EYS: variants seen among roughly 807,000 people sequenced by gnomAD.
EYS encodes protein eyes shut homolog.
EYS carries 250 observed loss-of-function variants against 282.1 expected under a neutral mutation model. The observed-to-expected ratio is 0.89, with a 90% CI of 0.80 to 0.98. The LOEUF is 0.98. EYS is among the 50% of genes least tolerant of loss of function. EYS has a pLI of 0.00. For synonymous variants in EYS, 1,355 were observed against 1,282.9 expected (o/e 1.06, Z -1.20); for missense variants, 4,016 against 3,709.0 (o/e 1.08, Z -2.15).
chr6:65,076,603 T>C (rs1447021677), intron 12 of EYS, among the ~76,000 whole-genome samples: 2 of 151,978 alleles, frequency 1.3e-5, no homozygotes, highest in Non-Finnish European at 1.5e-5. Flanking sequence ...TAGTTTTGTC[T>C]AAATCCAAAA....
chr6:64,973,660 G>T (rs999700865), intron 14 of EYS, among the ~76,000 whole-genome samples: 3 of 151,960 alleles, frequency 2.0e-5, no homozygotes, highest in African/African-American at 7.2e-5. Flanking sequence ...TAAAGTCAGT[G>T]ATTCATGGAG....
At chr6:63,909,594 G>T (rs890364062) in intron 35 of EYS, among the ~76,000 whole-genome samples, 3 of 152,204 alleles carry the variant, frequency 2.0e-5, no homozygotes, top group Non-Finnish European at 4.4e-5. Context: ...GTTGATTGTG[G>T]TTGGGATATC....
At chr6:64,083,255 A>G (rs1285199456) in intron 31 of EYS, among the ~76,000 whole-genome samples, 1 of 152,154 alleles carries the variant, frequency 6.6e-6, no homozygotes, top group Non-Finnish European at 1.5e-5. Context: ...TTTCTCTGCC[A>G]CTGGACGGAA....
chr6:64,953,637 A>G (rs1769589718), intron 14 of EYS, among the ~76,000 whole-genome samples: 1 of 151,814 alleles, frequency 6.6e-6, no homozygotes, highest in Non-Finnish European at 1.5e-5. Context: ...AAAATGATTT[A>G]TCTTGGTGCT....
chr6:64,301,673 C>T (rs1769241338), intron 30 of EYS, among the ~76,000 whole-genome samples: 1 of 152,138 alleles, frequency 6.6e-6, no homozygotes, highest in Non-Finnish European at 1.5e-5. Context: ...TGCAAATAGC[C>T]ATCTCTGATT....
At chr6:64,274,481 G>GTGTTTTT in intron 30 of EYS, among the ~76,000 whole-genome samples, 1 of 92,228 alleles carries the variant, frequency 1.1e-5, no homozygotes, top group Non-Finnish European at 1.9e-5. Context: ...ACGCCTGGCC[G>GTGTTTTT]TTTTTTTTTT....
At chr6:63,906,542 A>G (rs547141431) in intron 35 of EYS, among the ~76,000 whole-genome samples, 1 of 152,338 alleles carries the variant, frequency 6.6e-6, no homozygotes, top group South Asian at 2.1e-4. Context: ...GATTCAAATG[A>G]TGGCCTAGTT....
intron 28 of EYS, among the ~76,000 whole-genome samples, chr6:64,395,882 G>A (rs1773354558): frequency 6.6e-6 from 1 of 151,884 alleles, no homozygotes; most frequent in African/African-American, 2.4e-5. Context: ...TCTGTTCCAT[G>A]AATATGTGAC....
intron 26 of EYS, among the ~76,000 whole-genome samples, chr6:64,584,182 T>C (rs1298137231): frequency 1.3e-5 from 2 of 151,942 alleles, no homozygotes; most frequent in African/African-American, 4.8e-5. Flanking sequence ...TATATAGTAA[T>C]ATGTAAAGCA....
At chr6:64,668,866 C>A (rs573385979) in intron 22 of EYS, among the ~76,000 whole-genome samples, 1 of 151,950 alleles carries the variant, frequency 6.6e-6, no homozygotes, top group Non-Finnish European at 1.5e-5. Flanking sequence ...CACACCTGGC[C>A]GCTAGTACCA....
In EYS at chr6:65,701,075, T is replaced by C. The variant is rs150997437; in HGVS notation, c.-448+6060A>G. 4.7e-4 allele frequency among the ~76,000 whole-genome samples: 71 copies of C among 152,344 alleles called. 2 individuals are homozygous for C. The East Asian group carries it at 0.012, about 26-fold the overall frequency. On this transcript the variant is annotated intron_variant, in intron 1 of 42. Transcript: ENST00000503581. The stretch of plus-strand genomic sequence containing the variant: ...CCTAATGCCATATACACCATCCTTG[T>C]ATAGATCTTTGCAATAATTTCTCAG...
chr6:63,847,626 C>T (rs1056703333), intron 36 of EYS, among the ~76,000 whole-genome samples: 3 of 152,166 alleles, frequency 2.0e-5, no homozygotes, highest in Admixed American at 6.5e-5. Flanking sequence ...TCTAAAAATA[C>T]TCTGTTGCCA....
intron 12 of EYS, among the ~76,000 whole-genome samples, chr6:65,069,476 C>A (rs562697738): frequency 6.6e-6 from 1 of 152,074 alleles, no homozygotes; most frequent in South Asian, 2.1e-4. Flanking sequence ...AAACTGCGAT[C>A]TTTTGGTCCC....
chr6:65,496,511 G>GA (rs1766263370), intron 2 of EYS, among the ~76,000 whole-genome samples: 1 of 151,436 alleles, frequency 6.6e-6, no homozygotes, highest in East Asian at 1.9e-4. Context: ...TGATGTTAGT[G>GA]AAAAAAACGT....
rs532560319 is a variant in EYS, at chr6:64,902,372, A to G, written c.2738+32T>C. On this transcript the variant is annotated intron_variant, in intron 17 of 42. Coordinates refer to ENST00000503581, the MANE Select transcript of EYS (RefSeq NM_001142800.2). ...CCTGTATACATCTAGACACATAAAC[A>G]TGTATCTAGATACTTTTTAAGTTTT... 1.1e-5 allele frequency: 16 copies of G among 1,418,600 alleles called. No homozygotes were observed. In the African/African-American group the frequency reaches 1.4e-4, roughly 13 times the overall value. The allele number at this position is 1,418,600 out of a possible 1,614,324, so 87.9% of individuals were successfully genotyped here.
chr6:65,628,219 G>A (rs956599652), intron 2 of EYS, among the ~76,000 whole-genome samples: 21 of 152,124 alleles, frequency 1.4e-4, no homozygotes, highest in Admixed American at 7.9e-4. Context: ...GTTTGTGAGT[G>A]CACCAATCGA....
intron 26 of EYS, among the ~76,000 whole-genome samples, chr6:64,475,223 A>G (rs903433014): frequency 2.0e-5 from 3 of 152,126 alleles, no homozygotes; most frequent in South Asian, 2.1e-4. Flanking sequence ...TACTCCACAA[A>G]TAGGTTCTAC....
In EYS at chr6:63,776,068, CTG is replaced by C. The variant is rs1265516064; in HGVS notation, c.7898+1936_7898+1937del. Among the ~76,000 whole-genome samples, 7 of 152,244 alleles carry C rather than the reference CTG, an allele frequency of 4.6e-5. No individual in the cohort carries two copies. In the South Asian group the frequency reaches 1.4e-3, roughly 32 times the overall value. ...AAATTTGTCAGATGTATCTTTCCCC[CTG>C]TACATTATTGCTTGTCTATTTGTTA... On this transcript the variant is annotated intron_variant, in intron 40 of 42. Transcript: ENST00000503581.
chr6:65,582,779 C>A (rs1764914003), intron 2 of EYS, among the ~76,000 whole-genome samples: 1 of 152,094 alleles, frequency 6.6e-6, no homozygotes, highest in African/African-American at 2.4e-5. Flanking sequence ...ACAAACATGA[C>A]AGATTACATG....
Sources: allele counts gnomAD v4.1 joint callset (sites outside exome capture counted in the v4.1 genomes callset), GRCh38; gene constraint gnomAD v4.1.1; transcripts MANE v1.5; gene names NCBI Gene and HGNC (gene_info 2026-07-23, HGNC 2026-07-21).